The following NUDCD3 variants were observed in gnomAD, a reference collection of about 807,000 sequenced individuals.
The protein encoded by NUDCD3 is nudC domain-containing protein 3.
Under a neutral mutation model 39.7 loss-of-function variants are expected in NUDCD3, and 13 were observed. The ratio of observed to expected loss-of-function variants is 0.33; its 90% CI spans 0.21 to 0.52. The LOEUF is 0.52. NUDCD3 is among the 20% of genes least tolerant of loss of function. The probability of loss-of-function intolerance (pLI) is 0.96; values close to 1 mark genes in which losing one functional copy is unlikely to be tolerated. For synonymous variants in NUDCD3, 175 were observed against 172.4 expected (o/e 1.02, Z -0.12); for missense variants, 453 against 458.1 (o/e 0.99, Z 0.10).
intron 2 of NUDCD3, among the ~76,000 whole-genome samples, chr7:44,439,838 G>A (rs1231641983): frequency 6.6e-6 from 1 of 152,122 alleles, no homozygotes; most frequent in Non-Finnish European, 1.5e-5. Flanking sequence ...GAAGGAATGA[G>A]GGAAATAGGA....
chr7:44,383,445 A>C lies in NUDCD3; in HGVS notation c.*2566T>G, dbSNP rs1284338783. On this transcript the variant is annotated 3_prime_UTR_variant, in exon 6 of 6. Coordinates refer to ENST00000355451, the MANE Select transcript of NUDCD3 (RefSeq NM_015332.4). Reference sequence around the variant, plus strand: ...TTGAGATCTTGCCCAGTGCATTCAGACCAGATGGGAAACAACCCCTAAGAA... The same window carrying C: ...TTGAGATCTTGCCCAGTGCATTCAGCCCAGATGGGAAACAACCCCTAAGAA... 1.3e-5 allele frequency: 2 copies of C among 152,226 alleles called. No homozygotes were observed. The highest frequency in any genetic ancestry group is 2.9e-5 in the Non-Finnish European group (2 of 68,048). The allele number at this position is 152,226 out of a possible 1,614,324, so 9.4% of individuals were successfully genotyped here.
At chr7:44,442,469 A>G (rs1302071734) in intron 2 of NUDCD3, among the ~76,000 whole-genome samples, 1 of 152,108 alleles carries the variant, frequency 6.6e-6, no homozygotes, top group African/African-American at 2.4e-5. Flanking sequence ...GCAGGAGAGT[A>G]TGCACCTGGG....
At chr7:44,416,871 C>G (rs1449213455) in intron 3 of NUDCD3, among the ~76,000 whole-genome samples, 3 of 152,174 alleles carry the variant, frequency 2.0e-5, no homozygotes, top group Non-Finnish European at 4.4e-5. Flanking sequence ...TGAGACCATG[C>G]ACACACAGCT....
intron 2 of NUDCD3, among the ~76,000 whole-genome samples, chr7:44,477,800 A>G (rs915837831): frequency 1.3e-5 from 2 of 150,924 alleles, no homozygotes; most frequent in Non-Finnish European, 3.0e-5. Flanking sequence ...CACTTTTTAC[A>G]AAGTCTTTAC....
chr7:44,464,011 C>A (rs950525465), intron 2 of NUDCD3, among the ~76,000 whole-genome samples: 6 of 151,690 alleles, frequency 4.0e-5, no homozygotes, highest in African/African-American at 1.5e-4. Context: ...GTTAGGAGTT[C>A]GAGACCAGCC....
chr7:44,485,974 G>C (rs1051857615), intron 1 of NUDCD3, among the ~76,000 whole-genome samples: 1 of 152,204 alleles, frequency 6.6e-6, no homozygotes, highest in Non-Finnish European at 1.5e-5. Context: ...TGATACAAGA[G>C]GGGGCATGAC....
intron 4 of NUDCD3, among the ~76,000 whole-genome samples, chr7:44,394,221 G>A (rs932901255): frequency 3.3e-5 from 5 of 152,112 alleles, no homozygotes; most frequent in Non-Finnish European, 5.9e-5. Flanking sequence ...CAGATAGGGG[G>A]AGTGGTGAAC....
At chr7:44,399,205 TTCCACTCACA>T (rs1798677982) in intron 4 of NUDCD3, among the ~76,000 whole-genome samples, 2 of 152,220 alleles carry the variant, frequency 1.3e-5, no homozygotes, top group South Asian at 4.1e-4. Context: ...AGCACATTCC[TTCCACTCACA>T]CTGGAACAGG....
chr7:44,388,539 C>T (rs1478956776), intron 5 of NUDCD3, among the ~76,000 whole-genome samples: 1 of 152,230 alleles, frequency 6.6e-6, no homozygotes, highest in Non-Finnish European at 1.5e-5. Context: ...TGTTGCAAGC[C>T]TCCATATGCT....
intron 3 of NUDCD3, among the ~76,000 whole-genome samples, chr7:44,405,276 G>A (rs2116875531): frequency 6.6e-6 from 1 of 152,316 alleles, no homozygotes; most frequent in Middle Eastern, 3.4e-3. Context: ...CCTGTCCTAG[G>A]CAGAGACTGG....
chr7:44,449,122 G>C (rs554580648), intron 2 of NUDCD3, among the ~76,000 whole-genome samples: 28 of 152,266 alleles, frequency 1.8e-4, no homozygotes, highest in Admixed American at 5.2e-4. Flanking sequence ...CTCTCCAAGG[G>C]AGAAAACTGC....
chr7:44,434,162 T>C (rs574834631), intron 2 of NUDCD3, among the ~76,000 whole-genome samples: 67 of 152,052 alleles, frequency 4.4e-4, no homozygotes, highest in African/African-American at 1.5e-3. Context: ...TTCCTAGGAG[T>C]GTTCACTCCT....
At chr7:44,391,848 G>C (rs1798522693) in intron 5 of NUDCD3, among the ~76,000 whole-genome samples, 1 of 152,164 alleles carries the variant, frequency 6.6e-6, no homozygotes, top group Admixed American at 6.5e-5. Context: ...ACCCACTGCT[G>C]ACATCACAGA....
At chr7:44,488,001 AC>A (rs1800648766) in intron 1 of NUDCD3, among the ~76,000 whole-genome samples, 5 of 151,754 alleles carry the variant, frequency 3.3e-5, no homozygotes. Flanking sequence ...CCCAGGATTC[AC>A]CCTGATCTAC....
At chr7:44,389,802 G>A (rs565334735) in intron 5 of NUDCD3, among the ~76,000 whole-genome samples, 3 of 152,174 alleles carry the variant, frequency 2.0e-5, no homozygotes, top group African/African-American at 7.2e-5. Flanking sequence ...GTCAAGGAGA[G>A]GGGAGGATGT....
At chr7:44,439,425 G>A (rs901334536) in intron 2 of NUDCD3, among the ~76,000 whole-genome samples, 3 of 152,130 alleles carry the variant, frequency 2.0e-5, no homozygotes, top group Non-Finnish European at 4.4e-5. Flanking sequence ...CTAGAAGCAG[G>A]AGCCACGTGC....
At chr7:44,457,018 T>A (rs1040488697) in intron 2 of NUDCD3, among the ~76,000 whole-genome samples, 5 of 149,970 alleles carry the variant, frequency 3.3e-5, no homozygotes, top group Admixed American at 1.3e-4. Context: ...TACCCAGATA[T>A]AACCTGGTTA....
At position 44,490,063 on chromosome 7, in the gene NUDCD3, G is replaced by C. The variant is rs73107423; in HGVS notation, c.192+346C>G. ...TCTTTGGTAGTTCTGGGGCATGCAC[G>C]TTTCTGTTGCTGTAAATGTCCTTCC... On this transcript the variant is annotated intron_variant, in intron 1 of 5. Transcript: ENST00000355451. The C allele has an allele frequency of 4.4e-5, 9 of 206,870 alleles. No homozygotes were observed. The South Asian group carries it at 9.2e-4, about 21-fold the overall frequency. The allele number at this position is 206,870 out of a possible 1,614,324, so 12.8% of individuals were successfully genotyped here. A position where few individuals can be genotyped will look rare whatever the true frequency, so the allele number is the denominator to read the frequency against.
chr7:44,413,384 A>G (rs1323129788), intron 3 of NUDCD3: 1 of 152,204 alleles, frequency 6.6e-6, no homozygotes, highest in East Asian at 1.9e-4. Flanking sequence ...AAATCAACTC[A>G]AAAGGTTAAT....
Sources: allele counts gnomAD v4.1 joint callset (sites outside exome capture counted in the v4.1 genomes callset), GRCh38; gene constraint gnomAD v4.1.1; transcripts MANE v1.5; gene names NCBI Gene and HGNC (gene_info 2026-07-23, HGNC 2026-07-21).